The following ITPK1 variants were observed in gnomAD, a reference collection of about 807,000 sequenced individuals.
ITPK1 encodes the protein inositol 1,3,4-trisphosphate 5/6-kinase.
Under a neutral mutation model 45.3 loss-of-function variants are expected in ITPK1, and 21 were observed. The ratio of observed to expected loss-of-function variants is 0.46; its 90% CI spans 0.33 to 0.67. The LOEUF is 0.67. ITPK1 is among the 30% of genes least tolerant of loss of function. The pLI, the probability that ITPK1 is intolerant of heterozygous loss-of-function variation, is 0.02. For synonymous variants in ITPK1, 258 were observed against 253.6 expected (o/e 1.02, Z -0.16); for missense variants, 474 against 573.5 (o/e 0.83, Z 1.77).
intron 3 of ITPK1, among the ~76,000 whole-genome samples, chr14:93,066,576 T>C (rs1890764026): frequency 6.6e-6 from 1 of 152,028 alleles, no homozygotes; most frequent in Non-Finnish European, 1.5e-5. Flanking sequence ...AGCTAATTTT[T>C]TGTATTTTTA....
chr14:93,021,518 G>A (rs1047499393), intron 3 of ITPK1, among the ~76,000 whole-genome samples: 7 of 151,980 alleles, frequency 4.6e-5, no homozygotes, highest in East Asian at 3.9e-4. Flanking sequence ...GCTTGAACCC[G>A]GGAGGCGGAG....
At position 92,962,229 on chromosome 14, in the gene ITPK1, C is replaced by A. The variant is rs1300172151; in HGVS notation, c.504+126G>T. ...CCAGGGAAGGGAAGGAGGCTATCTA[C>A]CAAGGAGCCAGGACTAACAGCAGGG... On this transcript the variant is annotated intron_variant, in intron 7 of 10. Coordinates refer to ENST00000267615, the MANE Select transcript of ITPK1 (RefSeq NM_014216.6). The A allele has an allele frequency of 3.9e-6, 3 of 773,120 alleles. No individual in the cohort carries two copies. In the Admixed American group the frequency reaches 5.6e-5, roughly 15 times the overall value. 47.9% of individuals were successfully genotyped at this position (773,120 alleles called of 1,614,324 possible).
At chr14:92,955,320 T>C (rs1281818798) in intron 8 of ITPK1, among the ~76,000 whole-genome samples, 1 of 152,254 alleles carries the variant, frequency 6.6e-6, no homozygotes, top group African/African-American at 2.4e-5. Flanking sequence ...CCTCCCGCTC[T>C]ACATGGTGAG....
intron 2 of ITPK1, among the ~76,000 whole-genome samples, chr14:93,079,105 C>T (rs1467531544): frequency 6.6e-6 from 1 of 152,190 alleles, no homozygotes; most frequent in Non-Finnish European, 1.5e-5. Context: ...TTTACATCAT[C>T]CCAGGCAGCT....
intron 9 of ITPK1, among the ~76,000 whole-genome samples, chr14:92,949,484 T>G (rs973031210): frequency 1.3e-5 from 2 of 152,238 alleles, no homozygotes; most frequent in African/African-American, 2.4e-5. Flanking sequence ...CCACTCATCC[T>G]GCAGCCCAAG....
In ITPK1 at chr14:92,938,832, A is replaced by C; in HGVS notation, c.*2729T>G. The stretch of plus-strand genomic sequence containing the variant: ...GTTTGCAGAATCACATCACCATATA[A>C]TCAAAGCACTGTCAGGCAGAACTTG... On this transcript the variant is annotated 3_prime_UTR_variant, in exon 11 of 11. Coordinates refer to ENST00000267615, the MANE Select transcript of ITPK1 (RefSeq NM_014216.6). 2 of 512,786 alleles carry C rather than the reference A, an allele frequency of 3.9e-6. No individual in the cohort carries two copies. Among genetic ancestry groups the C allele is most frequent in the Non-Finnish European group, 7.0e-6 (2 of 286,380 alleles). 31.8% of individuals were successfully genotyped at this position (512,786 alleles called of 1,614,324 possible).
intron 2 of ITPK1, among the ~76,000 whole-genome samples, chr14:93,106,405 A>G (rs565534007): frequency 2.0e-5 from 3 of 152,324 alleles, no homozygotes; most frequent in African/African-American, 7.2e-5. Flanking sequence ...AGTTCTGCCC[A>G]GAGCTGCCTG....
intron 2 of ITPK1, among the ~76,000 whole-genome samples, chr14:93,090,380 G>T (rs1259932941): frequency 1.3e-5 from 2 of 152,200 alleles, no homozygotes; most frequent in East Asian, 3.8e-4. Context: ...GAGGAACCCA[G>T]GGTGTTGGAA....
intron 2 of ITPK1, among the ~76,000 whole-genome samples, chr14:93,089,682 A>G (rs1156318053): frequency 6.6e-6 from 1 of 152,152 alleles, no homozygotes; most frequent in Non-Finnish European, 1.5e-5. Context: ...GGAGGTGAGA[A>G]TGAGCCTGGG....
chr14:93,110,764 A>C (rs1261970886), intron 2 of ITPK1, among the ~76,000 whole-genome samples: 1 of 152,220 alleles, frequency 6.6e-6, no homozygotes, highest in Non-Finnish European at 1.5e-5. Flanking sequence ...GTTTCTTGCA[A>C]GCCAAGTCAG....
At position 92,950,071 on chromosome 14, in the gene ITPK1, C is replaced by T. The variant is rs551363262; in HGVS notation, c.738+1875G>A. ...CAAGGCTCAGAGAGGCGACGCGACT[C>T]GCCTTAGCTTGGGCCGGACCCCAGG... On this transcript the variant is annotated intron_variant, in intron 9 of 10. Transcript: ENST00000267615. 1.1e-3 allele frequency among the ~76,000 whole-genome samples: 165 copies of T among 152,360 alleles called. 2 individuals carry two copies. Among genetic ancestry groups the T allele is most frequent in the African/African-American group, 3.7e-3 (155 of 41,582 alleles).
At chr14:92,954,416 C>G (rs185801973) in intron 8 of ITPK1, among the ~76,000 whole-genome samples, 2 of 152,150 alleles carry the variant, frequency 1.3e-5, no homozygotes, top group Non-Finnish European at 1.5e-5. Context: ...CCAAGAGAGT[C>G]GGTTCCTCTA....
intron 5 of ITPK1, among the ~76,000 whole-genome samples, chr14:92,981,591 G>A (rs1037072938): frequency 1.3e-5 from 2 of 152,070 alleles, no homozygotes; most frequent in African/African-American, 4.8e-5. Flanking sequence ...CTCCCCCAGT[G>A]CATCTCCTTC....
chr14:93,049,946 A>C (rs1204947020), intron 3 of ITPK1, among the ~76,000 whole-genome samples: 1 of 152,062 alleles, frequency 6.6e-6, no homozygotes, highest in Non-Finnish European at 1.5e-5. Context: ...AGTTACAAAC[A>C]CGGTCCCTCC....
rs78662403 is a variant in ITPK1, at chr14:93,030,640, C to T, written c.121-13839G>A. The stretch of plus-strand genomic sequence containing the variant: ...CGACTGGAGGCACCACCGAGGGCTG[C>T]AACATCAATGAAGTGCAGAGGGCAT... On this transcript the variant is annotated intron_variant, in intron 3 of 10. Coordinates refer to ENST00000267615, the MANE Select transcript of ITPK1 (RefSeq NM_014216.6). Among the ~76,000 whole-genome samples, 1,261 of 152,232 alleles carry T rather than the reference C, an allele frequency of 8.3e-3. 8 individuals carry two copies. The highest frequency in any genetic ancestry group is 0.013 in the Non-Finnish European group (851 of 68,022).
At chr14:93,066,294 G>A in intron 3 of ITPK1, 2 of 454,674 alleles carry the variant, frequency 4.4e-6, no homozygotes, top group Non-Finnish European at 8.8e-6. Context: ...GTGCGTGCGT[G>A]TGTGCGCGTG....
chr14:93,008,641 C>T (rs1317734216), intron 4 of ITPK1, among the ~76,000 whole-genome samples: 1 of 152,142 alleles, frequency 6.6e-6, no homozygotes, highest in Non-Finnish European at 1.5e-5. Flanking sequence ...CGTGGTTTAC[C>T]CGGCCGGCTG....
At chr14:93,022,775 C>T (rs1888536763) in intron 3 of ITPK1, among the ~76,000 whole-genome samples, 2 of 152,042 alleles carry the variant, frequency 1.3e-5, no homozygotes, top group Non-Finnish European at 2.9e-5. Flanking sequence ...ATTCACCTGC[C>T]TCAGCCTCCC....
chr14:93,044,774 A>C (rs2139917930), intron 3 of ITPK1, among the ~76,000 whole-genome samples: 1 of 152,334 alleles, frequency 6.6e-6, no homozygotes, highest in South Asian at 2.1e-4. Context: ...GGGCCACCGC[A>C]AGCACCAAGG....
Sources: gnomAD v4.1 joint callset for allele counts (sites outside exome capture counted in the v4.1 genomes callset) on GRCh38, gnomAD v4.1.1 for gene constraint, MANE v1.5 for transcripts, NCBI Gene and HGNC (gene_info 2026-07-23, HGNC 2026-07-21) for gene names.